Variants in PTPRR observed in about 807,000 individuals in gnomAD.
PTPRR encodes the protein protein tyrosine phosphatase receptor type R, also known as receptor-type tyrosine-protein phosphatase R.
PTPRR carries 38 observed loss-of-function variants against 77.2 expected under a neutral mutation model. The ratio of observed to expected loss-of-function variants is 0.49; its 90% confidence interval spans 0.38 to 0.65. The LOEUF is 0.65. Ranked by LOEUF, PTPRR falls within the 30% of genes least tolerant of loss-of-function variation. PTPRR has a pLI of 0.00. For missense variants in PTPRR, 744 were observed against 799.2 expected (o/e 0.93, Z 0.83); for synonymous variants, 299 against 283.1 (o/e 1.06, Z -0.57).
intron 2 of PTPRR, among the ~76,000 whole-genome samples, chr12:70,805,046 T>C (rs1335446755): frequency 6.6e-6 from 1 of 152,214 alleles, no homozygotes; most frequent in Non-Finnish European, 1.5e-5. Flanking sequence ...ATATCATTAA[T>C]TTTTCTTTCA....
intron 2 of PTPRR, among the ~76,000 whole-genome samples, chr12:70,794,123 C>T (rs1592761302): frequency 1.3e-5 from 2 of 151,968 alleles, no homozygotes; most frequent in Admixed American, 6.6e-5. Flanking sequence ...CTCTAGAATC[C>T]CCCCCATAGA....
intron 2 of PTPRR, among the ~76,000 whole-genome samples, chr12:70,785,345 C>T (rs1044808239): frequency 1.3e-5 from 2 of 152,044 alleles, no homozygotes; most frequent in African/African-American, 4.8e-5. Flanking sequence ...AGTCTCTGCC[C>T]TCTATTTTAA....
At chr12:70,802,163 T>C (rs1412527843) in intron 2 of PTPRR, among the ~76,000 whole-genome samples, 2 of 152,194 alleles carry the variant, frequency 1.3e-5, no homozygotes, top group African/African-American at 2.4e-5. Context: ...GGCGTTCTCA[T>C]TGAAATAAAA....
At chr12:70,800,889 C>A (rs1203056754) in intron 2 of PTPRR, among the ~76,000 whole-genome samples, 4 of 149,424 alleles carry the variant, frequency 2.7e-5, no homozygotes, top group East Asian at 2.0e-4. Flanking sequence ...GAGCGAAACT[C>A]CATCTCATAA....
intron 1 of PTPRR, among the ~76,000 whole-genome samples, chr12:70,911,711 A>AT (rs1012570972): frequency 2.0e-5 from 3 of 147,034 alleles, no homozygotes; most frequent in Non-Finnish European, 4.5e-5. Context: ...GCTCCTGCCT[A>AT]TAGCATACAG....
chr12:70,848,577 G>A (rs1222673043), intron 2 of PTPRR, among the ~76,000 whole-genome samples: 1 of 152,142 alleles, frequency 6.6e-6, no homozygotes, highest in South Asian at 2.1e-4. Flanking sequence ...GTCCGCCTTG[G>A]CCTCCCAAAG....
chr12:70,671,578 T>A (rs1051816120), intron 10 of PTPRR, among the ~76,000 whole-genome samples: 1 of 152,182 alleles, frequency 6.6e-6, no homozygotes. Flanking sequence ...GTAGGAATTG[T>A]TAAAAAAAAT....
At chr12:70,839,247 G>A (rs1892354219) in intron 2 of PTPRR, among the ~76,000 whole-genome samples, 1 of 152,042 alleles carries the variant, frequency 6.6e-6, no homozygotes, top group African/African-American at 2.4e-5. Flanking sequence ...ACAAATTTTT[G>A]TAGGAAAATG....
rs932038515 is a variant in PTPRR, at chr12:70,825,827, G to C, written c.358-61049C>G. On this transcript the variant is annotated intron_variant, in intron 2 of 13. Transcript: ENST00000283228. ...TATGAAAAAAGTCTTCAATAAATTGGGGGAAGAAGCAATGGATATAAAATA... is the reference window on the plus strand; with the variant it reads ...TATGAAAAAAGTCTTCAATAAATTGCGGGAAGAAGCAATGGATATAAAATA... Among the ~76,000 whole-genome samples the C allele has an allele frequency of 3.8e-4, 58 of 152,148 alleles. 4 individuals carry two copies. The highest frequency in any genetic ancestry group is 5.9e-5 in the Non-Finnish European group (4 of 68,026).
chr12:70,713,565 C>CTTTTTTT (rs35168919), intron 6 of PTPRR, among the ~76,000 whole-genome samples: 5 of 140,588 alleles, frequency 3.6e-5, no homozygotes, highest in East Asian at 2.1e-4. Context: ...TTGCTGCTGC[C>CTTTTTTT]TTTTTTTTTT....
chr12:70,888,590 G>C (rs1389688803), intron 2 of PTPRR, among the ~76,000 whole-genome samples: 1 of 152,244 alleles, frequency 6.6e-6, no homozygotes, highest in African/African-American at 2.4e-5. Context: ...GCACATCTGA[G>C]TCACACCTCA....
At chr12:70,908,043 T>A (rs1048698305) in intron 1 of PTPRR, among the ~76,000 whole-genome samples, 4 of 152,186 alleles carry the variant, frequency 2.6e-5, no homozygotes, top group African/African-American at 9.7e-5. Context: ...TAAAATATAA[T>A]TGTTTTCAAA....
At chr12:70,804,554 A>G (rs1228608466) in intron 2 of PTPRR, among the ~76,000 whole-genome samples, 1 of 152,118 alleles carries the variant, frequency 6.6e-6, no homozygotes, top group Non-Finnish European at 1.5e-5. Flanking sequence ...GACAGAAAAA[A>G]AAAAGAAGAC....
intron 6 of PTPRR, among the ~76,000 whole-genome samples, chr12:70,719,719 A>G (rs1889174325): frequency 6.6e-6 from 1 of 152,162 alleles, no homozygotes; most frequent in South Asian, 2.1e-4. Context: ...CCCTGCTAAG[A>G]GCATCTGCAG....
Position 70,662,475 on chromosome 12 carries a change from C to T in PTPRR, c.1608+20G>A, listed in dbSNP as rs540028584. 7.0e-7 allele frequency: 1 copy of T among 1,429,810 alleles called. No individual in the cohort carries two copies. Among genetic ancestry groups the T allele is most frequent in the African/African-American group, 1.4e-5 (1 of 71,068 alleles). 88.6% of individuals were successfully genotyped at this position (1,429,810 alleles called of 1,614,324 possible). A position where few individuals can be genotyped will look rare whatever the true frequency, so the allele number is the denominator to read the frequency against. The stretch of plus-strand genomic sequence containing the variant: ...CTAACATCATCTACTTTGTAGATGG[C>T]TATAGCTACATAATCTTACCTTTAA... On this transcript the variant is annotated intron_variant, in intron 11 of 13. Coordinates refer to ENST00000283228, the MANE Select transcript of PTPRR (RefSeq NM_002849.4).
intron 2 of PTPRR, among the ~76,000 whole-genome samples, chr12:70,806,594 C>T (rs1891713537): frequency 6.6e-6 from 1 of 152,168 alleles, no homozygotes; most frequent in Admixed American, 6.6e-5. Flanking sequence ...ATTCACAGCA[C>T]ATAACTTCCT....
chr12:70,829,434 G>A (rs1284146683), intron 2 of PTPRR, among the ~76,000 whole-genome samples: 1 of 152,106 alleles, frequency 6.6e-6, no homozygotes, highest in Admixed American at 6.6e-5. Flanking sequence ...AAACCACTGT[G>A]TGAGATGATG....
chr12:70,768,264 C>A (rs1459013445), intron 2 of PTPRR, among the ~76,000 whole-genome samples: 2 of 152,080 alleles, frequency 1.3e-5, no homozygotes, highest in Admixed American at 1.3e-4. Flanking sequence ...TGATAGACTG[C>A]TAGCAAGACT....
intron 2 of PTPRR, among the ~76,000 whole-genome samples, chr12:70,869,691 T>C (rs572116503): frequency 2.4e-4 from 37 of 152,236 alleles, no homozygotes; most frequent in African/African-American, 8.7e-4. Flanking sequence ...GGAGATATGA[T>C]GGCTGATGAA....
Sources: allele counts gnomAD v4.1 joint callset (sites outside exome capture counted in the v4.1 genomes callset), GRCh38; gene constraint gnomAD v4.1.1; transcripts MANE v1.5; gene names NCBI Gene and HGNC (gene_info 2026-07-23, HGNC 2026-07-21).